The following CERS6 variants were observed in gnomAD, a reference collection of about 807,000 sequenced individuals.
CERS6 encodes LAG1 homolog, ceramide synthase 6.
In CERS6, 26 loss-of-function variants were observed where a neutral mutation model predicts 56.8. That is an observed-to-expected ratio of 0.46 (90% confidence interval 0.34 to 0.63). CERS6 has a LOEUF of 0.63. Among genes scored for constraint, CERS6 ranks in the 30% least tolerant of loss-of-function variants. The pLI is 0.01. For missense variants in CERS6, 415 were observed against 467.5 expected (o/e 0.89, Z 1.04); for synonymous variants, 164 against 173.3 (o/e 0.95, Z 0.42).
Position 168,771,950 on chromosome 2 carries a change from C to A in CERS6, c.*2288C>A, listed in dbSNP as rs1684870405. On this transcript the variant is annotated 3_prime_UTR_variant, in exon 10 of 10. Transcript: ENST00000305747. ...GATGGCATTCACTTCACACAGTCGT[C>A]TATGTTATCCAGAGATTTTTATTTC... is the stretch of plus-strand genomic sequence containing the variant. The A allele has an allele frequency of 6.6e-6, 1 of 152,190 alleles. No homozygotes were observed. Among genetic ancestry groups the A allele is most frequent in the Non-Finnish European group, 1.5e-5 (1 of 68,028 alleles). The allele number at this position is 152,190 out of a possible 1,614,324, so 9.4% of individuals were successfully genotyped here.
chr2:168,481,409 G>C (rs374827499), intron 1 of CERS6, among the ~76,000 whole-genome samples: 2 of 151,830 alleles, frequency 1.3e-5, no homozygotes, highest in East Asian at 3.9e-4. Flanking sequence ...GGGAGACTCC[G>C]TCTCAAAAAA....
chr2:168,540,234 G>T (rs192116006), intron 1 of CERS6, among the ~76,000 whole-genome samples: 1 of 151,956 alleles, frequency 6.6e-6, no homozygotes, highest in South Asian at 2.1e-4. Flanking sequence ...GGTTGGAGGG[G>T]ACTCTACATA....
At chr2:168,646,302 C>CTTTTTT (rs577291526) in intron 4 of CERS6, among the ~76,000 whole-genome samples, 2 of 151,322 alleles carry the variant, frequency 1.3e-5, no homozygotes, top group Non-Finnish European at 2.9e-5. Context: ...CAATATTGAG[C>CTTTTTT]TTTTTTTTTC....
At chr2:168,734,886 A>G (rs1683665722) in intron 8 of CERS6, among the ~76,000 whole-genome samples, 1 of 152,210 alleles carries the variant, frequency 6.6e-6, no homozygotes, top group Non-Finnish European at 1.5e-5. Context: ...TTCACAGTGC[A>G]AGACATTTAT....
intron 4 of CERS6, among the ~76,000 whole-genome samples, chr2:168,677,017 GA>G (rs1261902592): frequency 3.4e-5 from 5 of 147,136 alleles, no homozygotes; most frequent in African/African-American, 7.5e-5. Flanking sequence ...TTTTTTTGGA[GA>G]TTTTTTTTTT....
intron 3 of CERS6, among the ~76,000 whole-genome samples, chr2:168,562,702 G>A (rs763919990): frequency 6.6e-6 from 1 of 152,200 alleles, no homozygotes; most frequent in Admixed American, 6.5e-5. Flanking sequence ...TTGAACAAAT[G>A]TATAGTCGGG....
intron 4 of CERS6, among the ~76,000 whole-genome samples, chr2:168,649,619 T>G (rs1008642749): frequency 6.6e-6 from 1 of 152,206 alleles, no homozygotes; most frequent in African/African-American, 2.4e-5. Context: ...CACTTTGTTA[T>G]GGGAAAGGTT....
intron 3 of CERS6, among the ~76,000 whole-genome samples, chr2:168,610,307 C>T (rs1384227384): frequency 6.6e-6 from 1 of 152,046 alleles, no homozygotes; most frequent in Non-Finnish European, 1.5e-5. Context: ...GGTAAGGCTT[C>T]CTTAGATTTA....
intron 8 of CERS6, among the ~76,000 whole-genome samples, chr2:168,758,139 A>G (rs1187470979): frequency 1.3e-5 from 2 of 152,354 alleles, no homozygotes; most frequent in South Asian, 4.1e-4. Context: ...CAGATTAGTC[A>G]TCTTAGGTAG....
intron 6 of CERS6, among the ~76,000 whole-genome samples, chr2:168,711,679 A>G (rs950006041): frequency 1.4e-5 from 2 of 147,748 alleles, no homozygotes; most frequent in Non-Finnish European, 3.0e-5. Context: ...GGTTGCAGTG[A>G]GCTGAGATCC....
rs1375563536 is a variant in CERS6, at chr2:168,691,167, C to T, written c.516+83C>T. The T allele has an allele frequency of 7.8e-6, 10 of 1,285,288 alleles. No individual in the cohort carries two copies. The East Asian group carries it at 2.3e-4, about 30-fold the overall frequency. 79.6% of individuals were successfully genotyped at this position (1,285,288 alleles called of 1,614,324 possible). A position where few individuals can be genotyped will look rare whatever the true frequency, so the allele number is the denominator to read the frequency against. ...TTTCATGGTCTCAGGCAGGCCCCAA[C>T]AGGTTGGACAACCACCTTCATTTTT... On this transcript the variant is annotated intron_variant, in intron 5 of 9. Coordinates refer to ENST00000305747, the MANE Select transcript of CERS6 (RefSeq NM_203463.3).
chr2:168,575,413 A>T (rs554755453), intron 3 of CERS6, among the ~76,000 whole-genome samples: 17 of 152,096 alleles, frequency 1.1e-4, no homozygotes, highest in African/African-American at 4.1e-4. Context: ...GGAAGGGGAG[A>T]GTGAGAGTGA....
At chr2:168,483,006 G>T (rs1229064594) in intron 1 of CERS6, among the ~76,000 whole-genome samples, 1 of 152,180 alleles carries the variant, frequency 6.6e-6, no homozygotes, top group Admixed American at 6.5e-5. Flanking sequence ...TCTGAAGGCA[G>T]GAGTAAAGAG....
chr2:168,624,033 G>T (rs894881784), intron 3 of CERS6, among the ~76,000 whole-genome samples: 23 of 152,238 alleles, frequency 1.5e-4, no homozygotes, highest in African/African-American at 5.3e-4. Context: ...AAGAGTGCAG[G>T]ATTAGATGCC....
intron 1 of CERS6, among the ~76,000 whole-genome samples, chr2:168,459,496 G>A (rs1320759744): frequency 6.6e-6 from 1 of 152,206 alleles, no homozygotes; most frequent in East Asian, 1.9e-4. Flanking sequence ...GCAGCCTAAG[G>A]TCAATGACTT....
In CERS6 at chr2:168,691,480, C is replaced by T. The variant is rs183269616; in HGVS notation, c.516+396C>T. Among the ~76,000 whole-genome samples, 89 of 152,252 alleles carry T rather than the reference C, an allele frequency of 5.8e-4. 1 individual carries two copies. In the East Asian group the frequency reaches 0.014, roughly 23 times the overall value. The stretch of plus-strand genomic sequence containing the variant: ...ATCAAGTGTGAGGCTAGAGCAGGTA[C>T]ACTGAGTTCAGTTCACTTTGTGACC... On this transcript the variant is annotated intron_variant, in intron 5 of 9. Transcript: ENST00000305747.
At chr2:168,672,139 C>G (rs1195097017) in intron 4 of CERS6, among the ~76,000 whole-genome samples, 1 of 152,186 alleles carries the variant, frequency 6.6e-6, no homozygotes, top group African/African-American at 2.4e-5. Context: ...CTCATGGATA[C>G]ATTCTGAATC....
At chr2:168,732,152 C>T (rs1442947768) in intron 8 of CERS6, among the ~76,000 whole-genome samples, 1 of 152,106 alleles carries the variant, frequency 6.6e-6, no homozygotes, top group Admixed American at 6.6e-5. Context: ...ATTGTGTCTC[C>T]CCCATCCCAT....
At chr2:168,532,102 T>A (rs1157669127) in intron 1 of CERS6, among the ~76,000 whole-genome samples, 1 of 152,158 alleles carries the variant, frequency 6.6e-6, no homozygotes, top group Non-Finnish European at 1.5e-5. Context: ...ACCAGAGGAA[T>A]TGTTCTTTCT....
Sources: gnomAD v4.1 joint callset for allele counts (sites outside exome capture counted in the v4.1 genomes callset) on GRCh38, gnomAD v4.1.1 for gene constraint, MANE v1.5 for transcripts, NCBI Gene and HGNC (gene_info 2026-07-23, HGNC 2026-07-21) for gene names.